Variants in PTPRS observed in about 807,000 individuals in gnomAD.
PTPRS encodes receptor-type tyrosine-protein phosphatase S.
In PTPRS, 63 loss-of-function variants were observed where a neutral mutation model predicts 215.3. The observed-to-expected ratio is 0.29, with a 90% CI of 0.24 to 0.36. The LOEUF (loss-of-function observed/expected upper bound fraction) is 0.36. PTPRS is among the 10% of genes least tolerant of loss of function. The pLI is 1.00. For synonymous variants in PTPRS, 1,404 were observed against 1,191.4 expected, an observed-to-expected ratio of 1.18 and a Z score of -3.68; for missense variants, 2,258 against 2,825.8, an observed-to-expected ratio of 0.80 and a Z score of 4.56.
intron 6 of PTPRS, among the ~76,000 whole-genome samples, chr19:5,262,199 G>A (rs566624625): frequency 2.6e-5 from 4 of 152,222 alleles, no homozygotes; most frequent in Admixed American, 1.3e-4. Context: ...TGCTTGAATC[G>A]GGGACGTGGA....
intron 20 of PTPRS, 93 bp from the exon 21 acceptor site, chr19:5,220,446 G>A (rs1291757557): frequency 1.1e-5 from 12 of 1,056,322 alleles, no homozygotes; most frequent in Non-Finnish European, 1.7e-5. Flanking sequence ...GTTTCTCTGA[G>A]TCTTCCCTTC....
In PTPRS at chr19:5,286,904, T is replaced by C. The variant is rs1027528188; in HGVS notation, c.-94-670A>G. On this transcript the variant is annotated intron_variant, in intron 1 of 37. Transcript: ENST00000262963. Reference sequence around the variant, plus strand: ...CAAGCCCCACACCAGGACTGAGGGGTGCTGAGCCCCAGTTTTCTCCAACTC... The same window carrying C: ...CAAGCCCCACACCAGGACTGAGGGGCGCTGAGCCCCAGTTTTCTCCAACTC... Among the ~76,000 whole-genome samples, 69 of 151,884 alleles carry C rather than the reference T, an allele frequency of 4.5e-4. 1 individual carries two copies. The highest frequency in any genetic ancestry group is 1.6e-4 in the Non-Finnish European group (11 of 67,970).
At chr19:5,298,671 C>A (rs985410184) in intron 1 of PTPRS, among the ~76,000 whole-genome samples, 4 of 152,228 alleles carry the variant, frequency 2.6e-5, no homozygotes, top group African/African-American at 9.6e-5. Context: ...CGGGTCTACC[C>A]GCCAGCCGCA....
chr19:5,336,012 A>G (rs2050486137), intron 1 of PTPRS, among the ~76,000 whole-genome samples: 1 of 147,982 alleles, frequency 6.8e-6, no homozygotes, highest in South Asian at 2.2e-4. Flanking sequence ...GAGGAGGAGG[A>G]GGAGGAAAAA....
intron 1 of PTPRS, among the ~76,000 whole-genome samples, chr19:5,312,917 G>C (rs200046663): frequency 6.6e-6 from 1 of 152,132 alleles, no homozygotes; most frequent in South Asian, 2.1e-4. Flanking sequence ...CCTGGCCTAG[G>C]ATTTATTTAT....
chr19:5,334,006 G>T (rs1417959001), intron 1 of PTPRS, among the ~76,000 whole-genome samples: 1 of 149,618 alleles, frequency 6.7e-6, no homozygotes, highest in Non-Finnish European at 1.5e-5. Flanking sequence ...GCCCACCAGG[G>T]GCTCTGGAAG....
At chr19:5,225,020 A>G (rs12973477) in intron 17 of PTPRS, among the ~76,000 whole-genome samples, 75,447 of 149,592 alleles carry the variant, frequency 0.5, 19,039 homozygotes, top group East Asian at 0.65. Flanking sequence ...CCCACCCCCC[A>G]AGTCTTTTTC....
At chr19:5,223,340 G>C in intron 17 of PTPRS, 43 bp from the exon 18 acceptor site, 2 of 1,420,962 alleles carry the variant, frequency 1.4e-6, no homozygotes, top group Non-Finnish European at 1.8e-6. Context: ...AGCGCCATCC[G>C]CCAGCCCAGA....
intron 1 of PTPRS, among the ~76,000 whole-genome samples, chr19:5,298,625 C>T (rs2049212386): frequency 6.6e-6 from 1 of 152,224 alleles, no homozygotes; most frequent in African/African-American, 2.4e-5. Flanking sequence ...CAGCCAGGAG[C>T]CCGCCTCACC....
chr19:5,282,588 AG>A lies in PTPRS; in HGVS notation c.91+3461del, dbSNP rs200017916. On this transcript the variant is annotated intron_variant, in intron 2 of 37. Coordinates refer to ENST00000262963, the MANE Select transcript of PTPRS (RefSeq NM_002850.4). ...GAAGCTGAGGCAGGCAGATCACCTGAGGTCAAGAGTTCAAGACCAGCCTGGC... is the reference window on the plus strand; with the variant it reads ...GAAGCTGAGGCAGGCAGATCACCTGAGTCAAGAGTTCAAGACCAGCCTGGC... 3.7e-4 allele frequency among the ~76,000 whole-genome samples: 57 copies of A among 152,276 alleles called. No individual in the cohort carries two copies. In the East Asian group the frequency reaches 9.6e-3, roughly 26 times the overall value.
At chr19:5,309,030 G>A (rs1396343526) in intron 1 of PTPRS, among the ~76,000 whole-genome samples, 2 of 152,192 alleles carry the variant, frequency 1.3e-5, no homozygotes, top group African/African-American at 4.8e-5. Flanking sequence ...CAGCCTGCCT[G>A]GCACTAGGCC....
At position 5,246,914 on chromosome 19, in the gene PTPRS, C is replaced by A. The variant is rs541173224; in HGVS notation, c.719-869G>T. On this transcript the variant is annotated intron_variant, in intron 9 of 37. Coordinates refer to ENST00000262963, the MANE Select transcript of PTPRS (RefSeq NM_002850.4). ...GAGAGAGAGAGAGAGAAAGAGAGAG[C>A]GAGCGAGAGACAGAGAGAGAAAGGA... Among the ~76,000 whole-genome samples, 23 of 150,824 alleles carry A rather than the reference C, an allele frequency of 1.5e-4. 3 individuals carry two copies. The highest frequency in any genetic ancestry group is 4.6e-4 in the Admixed American group (7 of 15,138).
Position 5,237,589 on chromosome 19 carries a change from A to C in PTPRS, c.1849+1330T>G, listed in dbSNP as rs1445047664. On this transcript the variant is annotated intron_variant, in intron 13 of 37. Transcript: ENST00000262963. The surrounding 1 kb of genome is among the most constrained non-coding windows in gnomAD (Gnocchi z 4.2). The stretch of plus-strand genomic sequence containing the variant: ...GGTTTGGGAGAGTTTCTGGGGCCGA[A>C]TTCGGGCCGTGGACTGTCCGTTCAG... 1.3e-5 allele frequency among the ~76,000 whole-genome samples: 2 copies of C among 152,124 alleles called. No homozygotes were observed. Among genetic ancestry groups the C allele is most frequent in the African/African-American group, 4.8e-5 (2 of 41,436 alleles).
At chr19:5,260,405 C>T (rs1051791643) in intron 7 of PTPRS, among the ~76,000 whole-genome samples, 4 of 152,158 alleles carry the variant, frequency 2.6e-5, no homozygotes, top group African/African-American at 9.7e-5. Context: ...GTCTTGAACT[C>T]CTGACCTCAG....
intron 1 of PTPRS, among the ~76,000 whole-genome samples, chr19:5,307,580 A>G (rs555595800): frequency 1.3e-5 from 2 of 152,364 alleles, no homozygotes; most frequent in East Asian, 3.9e-4. Context: ...TAAACAAGGG[A>G]ATATAAATCC....
At chr19:5,267,534 G>A (rs141148779) in intron 4 of PTPRS, among the ~76,000 whole-genome samples, 44 of 152,058 alleles carry the variant, frequency 2.9e-4, no homozygotes, top group Non-Finnish European at 2.6e-4. Context: ...GCGGACGCCT[G>A]TAATCCCAGT....
At chr19:5,248,722 G>A (rs545961599) in intron 9 of PTPRS, among the ~76,000 whole-genome samples, 1 of 152,250 alleles carries the variant, frequency 6.6e-6, no homozygotes, top group Non-Finnish European at 1.5e-5. Context: ...AACTCCTCAA[G>A]GTCTCTGAAT....
Position 5,244,527 on chromosome 19 carries a change from G to A in PTPRS, c.989-45C>T. 6.6e-7 allele frequency: 1 copy of A among 1,521,530 alleles called. No individual in the cohort carries two copies. Among genetic ancestry groups the A allele is most frequent in the Non-Finnish European group, 9.0e-7 (1 of 1,110,226 alleles). 94.3% of individuals were successfully genotyped at this position (1,521,530 alleles called of 1,614,324 possible). A position where few individuals can be genotyped will look rare whatever the true frequency, so the allele number is the denominator to read the frequency against. On this transcript the variant is annotated intron_variant, in intron 10 of 37. Coordinates refer to ENST00000262963, the MANE Select transcript of PTPRS (RefSeq NM_002850.4). The surrounding 1 kb of genome is among the most constrained non-coding windows in gnomAD (Gnocchi z 7.2). ...GTGTCACGCATTGGGCACATTGGTT[G>A]AGGACCCTGAAGGCTGTGTGACTTT...
At chr19:5,312,233 G>A (rs1054677361) in intron 1 of PTPRS, among the ~76,000 whole-genome samples, 3 of 152,086 alleles carry the variant, frequency 2.0e-5, no homozygotes, top group Non-Finnish European at 2.9e-5. Flanking sequence ...TGCATAGTAC[G>A]CAGCCCTGAA....
Sources: gnomAD v4.1 joint callset for allele counts (sites outside exome capture counted in the v4.1 genomes callset) on GRCh38, gnomAD v4.1.1 for gene constraint, Gnocchi (gnomAD v3.1) non-coding constraint, MANE v1.5 for transcripts, NCBI Gene and HGNC (gene_info 2026-07-23, HGNC 2026-07-21) for gene names.